Variants in ANO7 observed in about 807,000 individuals in gnomAD.
ANO7 encodes anoctamin 7, also known as anoctamin-7.
ANO7 carries 114 observed loss-of-function variants against 115.8 expected under a neutral mutation model. That is an observed-to-expected ratio of 0.98 (90% CI 0.85 to 1.15). ANO7 has a LOEUF of 1.15. Among genes scored for constraint, ANO7 ranks in the 50% most tolerant of loss-of-function variants. ANO7 has a pLI of 0.00. For missense variants in ANO7, 1,302 were observed against 1,201.2 expected, an observed-to-expected ratio of 1.08 and a Z score of -1.24; for synonymous variants, 550 against 498.2, an observed-to-expected ratio of 1.10 and a Z score of -1.38.
intron 3 of ANO7, among the ~76,000 whole-genome samples, chr2:241,192,918 G>A (rs1047742236): frequency 3.9e-5 from 6 of 152,100 alleles, no homozygotes; most frequent in African/African-American, 1.4e-4. Context: ...GCTGGGGACG[G>A]GGAGGGGGAG....
In ANO7 at chr2:241,218,337, G is replaced by T. The variant is rs771345193; in HGVS notation, c.2277G>T (p.Ala759=). ...GCGGCTTCCTCAACTTCACGCTGGC[G>T]CGAGCCCCGTCCTCCTTCGCCGCCG... is the stretch of plus-strand genomic sequence containing the variant. The part of the protein sequence containing the change: ...DLRGFLNFTL[A]RAPSSFAAAH... Residue 759 remains alanine, a synonymous_variant, in exon 21 of 25, where the codon GCG becomes GCT. Coordinates refer to ENST00000674324, the MANE Select transcript of ANO7 (RefSeq NM_001370694.2). 1.3e-6 allele frequency: 2 copies of T among 1,497,358 alleles called. No homozygotes were observed. Among genetic ancestry groups the T allele is most frequent in the South Asian group, 1.2e-5 (1 of 80,630 alleles). The allele number at this position is 1,497,358 out of a possible 1,614,324, so 92.8% of individuals were successfully genotyped here.
chr2:241,198,394 A>G (rs577207538), intron 4 of ANO7, among the ~76,000 whole-genome samples: 26 of 152,166 alleles, frequency 1.7e-4, no homozygotes, highest in Admixed American at 6.5e-4. Flanking sequence ...TGCTTTTATT[A>G]TGGACAGAGC....
At position 241,225,343 on chromosome 2, in the gene ANO7, G is replaced by T. The variant is rs2069133383; in HGVS notation, c.*1190G>T. Reference sequence around the variant, plus strand: ...GTTCGGGACTAGCCTGTCCAACATGGTGAAACCCTGTCTTTACTAAAAATG... The same window carrying T: ...GTTCGGGACTAGCCTGTCCAACATGTTGAAACCCTGTCTTTACTAAAAATG... On this transcript the variant is annotated 3_prime_UTR_variant, in exon 25 of 25. Coordinates refer to ENST00000674324, the MANE Select transcript of ANO7 (RefSeq NM_001370694.2). 6.6e-6 allele frequency: 1 copy of T among 152,038 alleles called. No individual in the cohort carries two copies. Among genetic ancestry groups the T allele is most frequent in the South Asian group, 2.1e-4 (1 of 4,822 alleles). 9.4% of individuals were successfully genotyped at this position (152,038 alleles called of 1,614,324 possible). A position where few individuals can be genotyped will look rare whatever the true frequency, so the allele number is the denominator to read the frequency against.
intron 4 of ANO7, among the ~76,000 whole-genome samples, chr2:241,196,705 G>A (rs546860967): frequency 2.0e-5 from 3 of 152,372 alleles, no homozygotes; most frequent in African/African-American, 4.8e-5. Flanking sequence ...CTGCTGCCCC[G>A]GGGCCCACCC....
At chr2:241,196,196 T>G (rs781490040) in intron 4 of ANO7, 14 of 1,177,836 alleles carry the variant, frequency 1.2e-5, no homozygotes, top group Non-Finnish European at 1.4e-5. Flanking sequence ...CTCAGTGTGC[T>G]TATAGAATTA....
chr2:241,208,915 C>A (rs561678524), intron 11 of ANO7, among the ~76,000 whole-genome samples: 4 of 152,028 alleles, frequency 2.6e-5, no homozygotes, highest in Non-Finnish European at 5.9e-5. Flanking sequence ...TTTGGGAGGC[C>A]AAGGCGGGTG....
rs1410156028 is a variant in ANO7 at position 241,203,398 on chromosome 2, C to T, written c.789C>T (p.Phe263=). ...GCCTCAACCAGCGCCAAGTCCTTTT[C>T]CAGCACTGGGCGCGCTGGGGCAAGT... ...APRLNQRQVL[F]QHWARWGKWN... The change falls in exon 9 of 25, where the codon TTC becomes TTT. Residue 263 remains phenylalanine, a synonymous_variant. Coordinates refer to ENST00000674324, the MANE Select transcript of ANO7 (RefSeq NM_001370694.2). This position sits in a 1 kb window ranked among gnomAD's most constrained non-coding sequence, Gnocchi z 4.8. 1 of 1,601,578 alleles carries T rather than the reference C, an allele frequency of 6.2e-7. No individual in the cohort carries two copies. Among genetic ancestry groups the T allele is most frequent in the East Asian group, 2.3e-5 (1 of 43,682 alleles).
chr2:241,223,957 C>A lies in ANO7; in HGVS notation c.2583+2C>A, dbSNP rs1291498581. On this transcript the variant is annotated splice_donor_variant, in intron 24 of 24. Coordinates refer to ENST00000674324, the MANE Select transcript of ANO7 (RefSeq NM_001370694.2). LOFTEE classifies it high-confidence loss of function. ...GATGAGCAGCCCGAGGGCTCAGAGG[C>A]AAGTCTGGGAGCAGCCAGGCCCCTG... 1.2e-6 allele frequency: 2 copies of A among 1,613,940 alleles called. No homozygotes were observed. Among genetic ancestry groups the A allele is most frequent in the African/African-American group, 1.3e-5 (1 of 74,894 alleles).
chr2:241,199,259 T>C (rs1053897591), intron 4 of ANO7, 57 bp from the exon 5 acceptor site: 10 of 1,426,178 alleles, frequency 7.0e-6, no homozygotes, highest in African/African-American at 1.4e-5. Context: ...GACACACACA[T>C]GTGCATACGT....
chr2:241,208,445 T>C (rs2068638154), intron 11 of ANO7, among the ~76,000 whole-genome samples: 1 of 152,206 alleles, frequency 6.6e-6, no homozygotes, highest in African/African-American at 2.4e-5. Flanking sequence ...CCACCTGGCC[T>C]TCCCTTCTGT....
intron 17 of ANO7, 87 bp from the exon 18 acceptor site, chr2:241,214,718 G>GA: frequency 7.9e-7 from 1 of 1,263,740 alleles, no homozygotes; most frequent in African/African-American, 1.5e-5. Flanking sequence ...TGGGGGCCGG[G>GA]ATGAGGGCCA....
the ANO7 span, chr2:241,235,103 C>A: frequency 6.2e-7 from 1 of 1,610,078 alleles, no homozygotes. Flanking sequence ...GGCAGTGCCC[C>A]GGCCACCTCC....
rs78612155 is a variant in ANO7 at position 241,223,399 on chromosome 2, A to G, written c.2412+123A>G. 37,696 of 1,202,814 alleles carry G rather than the reference A, an allele frequency of 0.031. 765 individuals carry two copies. Among genetic ancestry groups the G allele is most frequent in the Non-Finnish European group, 0.041 (33,144 of 807,102 alleles). 74.5% of individuals were successfully genotyped at this position (1,202,814 alleles called of 1,614,324 possible). A position where few individuals can be genotyped will look rare whatever the true frequency, so the allele number is the denominator to read the frequency against. Reference sequence around the variant, plus strand: ...CTTCCTGCTGTGTCATCTTGGTCAAATCAGAGCTCTTCTCTGCACCTGCGT... The same window carrying G: ...CTTCCTGCTGTGTCATCTTGGTCAAGTCAGAGCTCTTCTCTGCACCTGCGT... On this transcript the variant is annotated intron_variant, in intron 22 of 24. Transcript: ENST00000674324.
chr2:241,219,645 G>C (rs2068960038), intron 21 of ANO7, among the ~76,000 whole-genome samples: 1 of 150,050 alleles, frequency 6.7e-6, no homozygotes, highest in East Asian at 2.0e-4. Flanking sequence ...ATAGCTCACT[G>C]CACCCTAGAC....
At chr2:241,226,464 A>C (rs1303416886), downstream of ANO7, among the ~76,000 whole-genome samples, 5 of 150,868 alleles carry the variant, frequency 3.3e-5, no homozygotes, top group Admixed American at 6.6e-5. Context: ...TCGCTCTGTC[A>C]CCCAGGCTGG....
downstream of ANO7, among the ~76,000 whole-genome samples, chr2:241,226,269 T>C (rs561363529): frequency 1.6e-4 from 24 of 152,034 alleles, no homozygotes; most frequent in Non-Finnish European, 2.6e-4. Flanking sequence ...CCGTGGGACA[T>C]TGCGCGAGCT....
At chr2:241,207,749 T>A in intron 11 of ANO7, 79 bp downstream of exon 11, 2 of 1,330,474 alleles carry the variant, frequency 1.5e-6, no homozygotes, top group Non-Finnish European at 2.1e-6. Context: ...TGGTCCTGAC[T>A]CTGCCTGCAC....
At chr2:241,240,030 G>C in the ANO7 span, 2 of 1,614,058 alleles carry the variant, frequency 1.2e-6, no homozygotes, top group African/African-American at 1.3e-5. This position sits in a 1 kb window ranked among gnomAD's most constrained non-coding sequence, Gnocchi z 5.5. Context: ...CAGTGCTGTC[G>C]CGCACCTTGC....
downstream of ANO7, chr2:241,230,787 G>C (rs370946253): frequency 4.3e-6 from 7 of 1,614,096 alleles, no homozygotes; most frequent in African/African-American, 1.3e-5. This position sits in a 1 kb window ranked among gnomAD's most constrained non-coding sequence, Gnocchi z 5.0. Context: ...TTTGCGAATG[G>C]CTTTGCCGCG....
Sources: allele counts gnomAD v4.1 joint callset (sites outside exome capture counted in the v4.1 genomes callset), GRCh38; gene constraint gnomAD v4.1.1; non-coding constraint Gnocchi (gnomAD v3.1); transcripts MANE v1.5; gene names NCBI Gene and HGNC (gene_info 2026-07-23, HGNC 2026-07-21).